Variants in ALK observed in about 807,000 individuals in gnomAD.
ALK encodes the protein ALK tyrosine kinase receptor.
A neutral mutation model predicts 163.1 loss-of-function variants in ALK; 74 were observed. The observed-to-expected ratio is 0.45, with a 90% CI of 0.38 to 0.55. ALK has a LOEUF of 0.55. ALK is among the 20% of genes least tolerant of loss of function. The pLI is 0.00. For synonymous variants in ALK, 960 were observed against 843.2 expected (o/e 1.14, Z -2.40); for missense variants, 2,063 against 2,105.3 (o/e 0.98, Z 0.39).
intron 2 of ALK, among the ~76,000 whole-genome samples, chr2:29,695,631 A>T (rs1483020807): frequency 6.6e-6 from 1 of 152,260 alleles, no homozygotes; most frequent in Non-Finnish European, 1.5e-5. Context: ...AAGGGCTAAT[A>T]ACTAGAATCT....
chr2:29,397,633 G>C (rs1266560762), intron 4 of ALK, among the ~76,000 whole-genome samples: 1 of 152,200 alleles, frequency 6.6e-6, no homozygotes, highest in Non-Finnish European at 1.5e-5. Flanking sequence ...GACCAGCCTG[G>C]TGGACAGACC....
At chr2:29,697,030 T>G (rs1380413115) in intron 2 of ALK, among the ~76,000 whole-genome samples, 1 of 151,542 alleles carries the variant, frequency 6.6e-6, no homozygotes, top group Non-Finnish European at 1.5e-5. Context: ...ATGTAACAAA[T>G]CCATATGTTC....
intron 3 of ALK, among the ~76,000 whole-genome samples, chr2:29,560,831 C>G (rs1265152482): frequency 6.6e-6 from 1 of 152,036 alleles, no homozygotes. Context: ...CTTGGCCTCC[C>G]AAAATGCTGG....
At chr2:29,397,144 C>T (rs1669330420) in intron 4 of ALK, among the ~76,000 whole-genome samples, 1 of 152,070 alleles carries the variant, frequency 6.6e-6, no homozygotes, top group Non-Finnish European at 1.5e-5. Flanking sequence ...CAGAATGTGA[C>T]TTTATGTGAT....
At chr2:29,295,303 T>A (rs574059072) in intron 9 of ALK, among the ~76,000 whole-genome samples, 1 of 152,246 alleles carries the variant, frequency 6.6e-6, no homozygotes, top group Admixed American at 6.5e-5. Context: ...GGAGTAGCTA[T>A]GAAAGAGAGA....
chr2:29,772,720 C>T lies in ALK; in HGVS notation c.668-55023G>A, dbSNP rs558119797. Among the ~76,000 whole-genome samples the T allele has an allele frequency of 5.3e-5, 8 of 152,274 alleles. No homozygotes were observed. The East Asian group carries it at 5.8e-4, about 11-fold the overall frequency. ...AGGGGTAGAGGACTACTGTTTTTCA[C>T]GACAAGCCTTATACACTATTTGCTT... On this transcript the variant is annotated intron_variant, in intron 1 of 28. Coordinates refer to ENST00000389048, the MANE Select transcript of ALK (RefSeq NM_004304.5).
chr2:29,893,030 C>T (rs1667183771), intron 1 of ALK, among the ~76,000 whole-genome samples: 1 of 152,210 alleles, frequency 6.6e-6, no homozygotes, highest in Non-Finnish European at 1.5e-5. Flanking sequence ...CTGCCTTGCG[C>T]TGGCCATAAT....
rs2148170840 is a variant in ALK at position 29,223,403 on chromosome 2, C to G, written c.3298G>C (p.Gly1100Arg). Residue 1100 changes from glycine to arginine, a missense_variant, in exon 20 of 29, where the codon GGC becomes CGC. Gly to Arg is a moderately radical substitution (Grantham distance 125). Around this residue, in one of 5 missense-constraint regions of ALK, gnomAD observed 575 missense variants for 626.6 expected, o/e 0.92. Coordinates refer to ENST00000389048, the MANE Select transcript of ALK (RefSeq NM_004304.5). ...AGGTCACTGATGGAGGAGGTCTTGC[C>G]AGCAAAGCAGTAGTTGGGGTTGTAG... is the stretch of plus-strand genomic sequence containing the variant. ...TDYNPNYCFAGKTSSISDLKE... is the reference protein window; with the variant it reads ...TDYNPNYCFARKTSSISDLKE... 6.2e-7 allele frequency: 1 copy of G among 1,614,164 alleles called. No homozygotes were observed. The highest frequency in any genetic ancestry group is 8.5e-7 in the Non-Finnish European group (1 of 1,180,044).
At chr2:29,745,606 C>G (rs530147837) in intron 1 of ALK, among the ~76,000 whole-genome samples, 1 of 152,300 alleles carries the variant, frequency 6.6e-6, no homozygotes, top group Admixed American at 6.5e-5. Context: ...CTGACACAAT[C>G]TTTTTCATCC....
intron 26 of ALK, among the ~76,000 whole-genome samples, chr2:29,205,768 A>ACTCTAGTATCCTCAACT (rs1242223192): frequency 6.6e-6 from 1 of 151,622 alleles, no homozygotes; most frequent in Non-Finnish European, 1.5e-5. Context: ...CAGCTGCCCC[A>ACTCTAGTATCCTCAACT]CTCTAGTATC....
chr2:29,683,659 T>C (rs1410854010), intron 3 of ALK, among the ~76,000 whole-genome samples: 1 of 152,198 alleles, frequency 6.6e-6, no homozygotes. Flanking sequence ...GGCTCCTCAT[T>C]CTCAGCAAAT....
intron 4 of ALK, among the ~76,000 whole-genome samples, chr2:29,447,140 G>A (rs1670704921): frequency 6.6e-6 from 1 of 152,128 alleles, no homozygotes; most frequent in Non-Finnish European, 1.5e-5. Flanking sequence ...GTGGGTGGAG[G>A]TGGATGCCAT....
At chr2:29,894,995 CCTCCATATGTCAAGTCATGTG>C (rs1199111951) in intron 1 of ALK, among the ~76,000 whole-genome samples, 8 of 152,262 alleles carry the variant, frequency 5.3e-5, no homozygotes, top group Non-Finnish European at 8.8e-5. Context: ...AGTGGTAAAA[CCTCCATATGTCAAGTCATGTG>C]CTCCATATGT....
chr2:29,711,237 C>A (rs528300307), intron 2 of ALK, among the ~76,000 whole-genome samples: 36 of 152,310 alleles, frequency 2.4e-4, no homozygotes, highest in African/African-American at 8.4e-4. Context: ...ACAACCTTTG[C>A]CACAGAGCTT....
intron 20 of ALK, 139 bp downstream of exon 20, chr2:29,223,203 T>C: frequency 1.2e-6 from 1 of 836,264 alleles, no homozygotes. Flanking sequence ...TGTCAAGGCT[T>C]GTCCTCCTAG....
chr2:29,266,669 T>G (rs922797224), intron 11 of ALK, among the ~76,000 whole-genome samples: 1 of 152,226 alleles, frequency 6.6e-6, no homozygotes, highest in Non-Finnish European at 1.5e-5. Flanking sequence ...CCAGAATCTT[T>G]GACTCTCCTG....
intron 1 of ALK, among the ~76,000 whole-genome samples, chr2:29,875,186 A>C (rs1033893754): frequency 7.9e-5 from 12 of 152,232 alleles, no homozygotes; most frequent in Non-Finnish European, 1.5e-4. Flanking sequence ...TTCAAGCCTC[A>C]GAAAAGAATG....
chr2:29,263,812 A>T (rs1249196047), intron 11 of ALK, among the ~76,000 whole-genome samples: 1 of 152,204 alleles, frequency 6.6e-6, no homozygotes, highest in Non-Finnish European at 1.5e-5. Flanking sequence ...CAGGCACTGG[A>T]TAATGACAGT....
intron 3 of ALK, among the ~76,000 whole-genome samples, chr2:29,559,768 C>CGTGTGTGTGTGTGTGTGTGT (rs56285031): frequency 7.0e-6 from 1 of 143,030 alleles, no homozygotes; most frequent in African/African-American, 2.6e-5. Flanking sequence ...GGAGCATGTA[C>CGTGTGTGTGTGTGTGTGTGT]GTGTGTGTGT....
Sources: gnomAD v4.1 joint callset for allele counts (sites outside exome capture counted in the v4.1 genomes callset) on GRCh38, gnomAD v4.1.1 for gene constraint, gnomAD v4.1.1 regional missense constraint, MANE v1.5 for transcripts, NCBI Gene and HGNC (gene_info 2026-07-23, HGNC 2026-07-21) for gene names.